The following MRC2 variants were observed in gnomAD, a reference collection of about 807,000 sequenced individuals.
The protein encoded by MRC2 is mannose receptor C-type 2, also known as C-type mannose receptor 2.
Under a neutral mutation model 206.2 loss-of-function variants are expected in MRC2, and 84 were observed. The ratio of observed to expected loss-of-function variants is 0.41; its 90% CI spans 0.34 to 0.49. The LOEUF (loss-of-function observed/expected upper bound fraction) is 0.49. MRC2 is among the 20% of genes least tolerant of loss of function. MRC2 has a pLI of 0.31. For synonymous variants in MRC2, 798 were observed against 800.0 expected, an observed-to-expected ratio of 1.00 and a Z score of 0.04; for missense variants, 1,676 against 2,001.5, an observed-to-expected ratio of 0.84 and a Z score of 3.10.
Position 62,666,410 on chromosome 17 carries a change from G to A in MRC2, c.695-45G>A. 6.2e-7 allele frequency: 1 copy of A among 1,612,496 alleles called. No individual in the cohort carries two copies. Among genetic ancestry groups the A allele is most frequent in the Non-Finnish European group, 8.5e-7 (1 of 1,179,684 alleles). On this transcript the variant is annotated intron_variant, in intron 3 of 29. Coordinates refer to ENST00000303375, the MANE Select transcript of MRC2 (RefSeq NM_006039.5). This position sits in a 1 kb window ranked among gnomAD's most constrained non-coding sequence, Gnocchi z 5.0. ...GGTGGGGGAGGGTCTGCACTCCCGA[G>A]GGACCCTGGAGGGGGCCTGAAGGAG... is the stretch of plus-strand genomic sequence containing the variant.
rs764034001 is a variant in MRC2, at chr17:62,675,095, C to A, written c.1570-695C>A. Among the ~76,000 whole-genome samples the A allele has an allele frequency of 2.6e-5, 4 of 151,784 alleles. No homozygotes were observed. The highest frequency in any genetic ancestry group is 5.9e-5 in the Non-Finnish European group (4 of 68,004). On this transcript the variant is annotated intron_variant, in intron 9 of 29. Transcript: ENST00000303375. The surrounding 1 kb of genome is among the most constrained non-coding windows in gnomAD (Gnocchi z 4.1). ...TGGCCCAGGGGCTGTGTCATGGCTG[C>A]GAAGAGGTGAAGGGAGGAGTAGAGA...
intron 20 of MRC2, among the ~76,000 whole-genome samples, chr17:62,685,466 T>C (rs1298551330): frequency 1.3e-5 from 2 of 152,212 alleles, no homozygotes; most frequent in Non-Finnish European, 2.9e-5. Context: ...ATTTTATATA[T>C]GTAATAGGTC....
chr17:62,653,893 C>T (rs1598975863), intron 1 of MRC2, among the ~76,000 whole-genome samples: 1 of 152,070 alleles, frequency 6.6e-6, no homozygotes, highest in East Asian at 1.9e-4. Context: ...ATGCCCCCCT[C>T]GTCCAGCCCA....
intron 1 of MRC2, among the ~76,000 whole-genome samples, chr17:62,631,256 G>A (rs971458442): frequency 1.3e-5 from 2 of 152,132 alleles, no homozygotes; most frequent in African/African-American, 4.8e-5. Flanking sequence ...GGCACCCACG[G>A]CTGCGCTGTG....
chr17:62,649,411 C>T (rs528406881), intron 1 of MRC2, among the ~76,000 whole-genome samples: 10 of 152,156 alleles, frequency 6.6e-5, no homozygotes, highest in East Asian at 3.9e-4. Flanking sequence ...GCCAACATGG[C>T]GAAACCCCGT....
In MRC2 at chr17:62,657,428, CA is replaced by C. The variant is rs373999399; in HGVS notation, c.119-7119del. On this transcript the variant is annotated intron_variant, in intron 1 of 29. Transcript: ENST00000303375. ...CCCTGCCTAGCTTCATTCATTTCTC[CA>C]TTTACTCAGTAAGAACATATTGAGC... Among the ~76,000 whole-genome samples the C allele has an allele frequency of 1.4e-4, 21 of 152,328 alleles. No individual in the cohort carries two copies. In the South Asian group the frequency reaches 2.9e-3, roughly 21 times the overall value.
intron 1 of MRC2, among the ~76,000 whole-genome samples, chr17:62,646,819 C>T (rs1244367067): frequency 6.6e-6 from 1 of 152,206 alleles, no homozygotes; most frequent in Non-Finnish European, 1.5e-5. Flanking sequence ...CATATATTCC[C>T]TATCTCTTTT....
intron 9 of MRC2, 129 bp downstream of exon 9, chr17:62,674,299 C>T (rs2088863152): frequency 3.1e-6 from 2 of 642,918 alleles, no homozygotes. Context: ...CTTCCCTGAG[C>T]TCTCCAAACT....
Position 62,692,636 on chromosome 17 carries a change from C to T in MRC2, c.*185C>T, listed in dbSNP as rs1206078671. The T allele has an allele frequency of 3.2e-6, 2 of 632,552 alleles. No individual in the cohort carries two copies. The highest frequency in any genetic ancestry group is 5.4e-6 in the Non-Finnish European group (2 of 368,426). The allele number at this position is 632,552 out of a possible 1,614,324, so 39.2% of individuals were successfully genotyped here. A position where few individuals can be genotyped will look rare whatever the true frequency, so the allele number is the denominator to read the frequency against. ...GTGCCACCCTCCCACAAGGGCTGGGCTGAGACCCAGCTGAGTGCAGCGTGG... is the reference window on the plus strand; with the variant it reads ...GTGCCACCCTCCCACAAGGGCTGGGTTGAGACCCAGCTGAGTGCAGCGTGG... On this transcript the variant is annotated 3_prime_UTR_variant, in exon 30 of 30. Coordinates refer to ENST00000303375, the MANE Select transcript of MRC2 (RefSeq NM_006039.5). The surrounding 1 kb of genome is among the most constrained non-coding windows in gnomAD (Gnocchi z 4.2).
chr17:62,627,986 T>C, intron 1 of MRC2, 66 bp downstream of exon 1: 2 of 1,084,706 alleles, frequency 1.8e-6, no homozygotes, highest in Non-Finnish European at 2.5e-6. Context: ...CGCGGGCCGC[T>C]CTCGACTTTT....
At chr17:62,650,827 T>C (rs957427831) in intron 1 of MRC2, among the ~76,000 whole-genome samples, 1 of 152,178 alleles carries the variant, frequency 6.6e-6, no homozygotes, top group Non-Finnish European at 1.5e-5. Flanking sequence ...GTGGTGCTGG[T>C]GTAATGATCA....
rs1010906925 is a variant in MRC2 at position 62,689,408 on chromosome 17, C to T, written c.3335-114C>T. Reference sequence around the variant, plus strand: ...CCAAGCCTTGGTCTGGGCCAAGCGCCGAGTCTGGTGGAGACCGGGTCTTTG... The same window carrying T: ...CCAAGCCTTGGTCTGGGCCAAGCGCTGAGTCTGGTGGAGACCGGGTCTTTG... On this transcript the variant is annotated intron_variant, in intron 23 of 29. Coordinates refer to ENST00000303375, the MANE Select transcript of MRC2 (RefSeq NM_006039.5). 10 of 691,918 alleles carry T rather than the reference C, an allele frequency of 1.4e-5. 1 individual carries two copies. The highest frequency in any genetic ancestry group is 9.7e-5 in the South Asian group (5 of 51,646). The allele number at this position is 691,918 out of a possible 1,614,324, so 42.9% of individuals were successfully genotyped here. A position where few individuals can be genotyped will look rare whatever the true frequency, so the allele number is the denominator to read the frequency against.
At position 62,692,671 on chromosome 17, in the gene MRC2, T is replaced by G; in HGVS notation, c.*220T>G. 1 of 537,762 alleles carries G rather than the reference T, an allele frequency of 1.9e-6. No homozygotes were observed. Among genetic ancestry groups the G allele is most frequent in the South Asian group, 2.3e-5 (1 of 43,140 alleles). 33.3% of individuals were successfully genotyped at this position (537,762 alleles called of 1,614,324 possible). A position where few individuals can be genotyped will look rare whatever the true frequency, so the allele number is the denominator to read the frequency against. Reference sequence around the variant, plus strand: ...GCTGAGTGCAGCGTGGCGTTTCCCTTTCTGGGGGGGCCTGAGGTCTTGTCA... The same window carrying G: ...GCTGAGTGCAGCGTGGCGTTTCCCTGTCTGGGGGGGCCTGAGGTCTTGTCA... On this transcript the variant is annotated 3_prime_UTR_variant, in exon 30 of 30. Transcript: ENST00000303375. The surrounding 1 kb of genome is among the most constrained non-coding windows in gnomAD (Gnocchi z 4.2).
rs1474590099 is a variant in MRC2 at position 62,652,787 on chromosome 17, G to A, written c.119-11761G>A. Among the ~76,000 whole-genome samples the A allele has an allele frequency of 6.8e-6, 1 of 147,506 alleles. No individual in the cohort carries two copies. The highest frequency in any genetic ancestry group is 1.5e-5 in the Non-Finnish European group (1 of 66,392). On this transcript the variant is annotated intron_variant, in intron 1 of 29. Transcript: ENST00000303375. The surrounding 1 kb of genome is among the most constrained non-coding windows in gnomAD (Gnocchi z 4.6). ...CCGCTTGGGGGGGTGCACGATGGCA[G>A]GGGGAGGGGTGCTCGGTGGAGGGAG... is the stretch of plus-strand genomic sequence containing the variant.
chr17:62,667,287 C>A lies in MRC2; in HGVS notation c.974-103C>A. 1 of 1,436,152 alleles carries A rather than the reference C, an allele frequency of 7.0e-7. No homozygotes were observed. Among genetic ancestry groups the A allele is most frequent in the Non-Finnish European group, 9.3e-7 (1 of 1,079,734 alleles). 89.0% of individuals were successfully genotyped at this position (1,436,152 alleles called of 1,614,324 possible). Reference sequence around the variant, plus strand: ...ACCAGGCTTCCCGAACTGGCTCAGGCTTCCGAGGGAGCAGAGGGAGGTAGG... The same window carrying A: ...ACCAGGCTTCCCGAACTGGCTCAGGATTCCGAGGGAGCAGAGGGAGGTAGG... On this transcript the variant is annotated intron_variant, in intron 5 of 29. Coordinates refer to ENST00000303375, the MANE Select transcript of MRC2 (RefSeq NM_006039.5). The surrounding 1 kb of genome is among the most constrained non-coding windows in gnomAD (Gnocchi z 4.1).
Position 62,685,825 on chromosome 17 carries a change from C to T in MRC2, c.2947-2464C>T, listed in dbSNP as rs545382035. Among the ~76,000 whole-genome samples the T allele has an allele frequency of 6.6e-5, 10 of 152,248 alleles. No individual in the cohort carries two copies. In the South Asian group the frequency reaches 1.7e-3, roughly 25 times the overall value. ...CCAAAGGGCAGGGATTACAGGTGTG[C>T]GCCACTGTGCCTGGCCTGTGGAAAG... On this transcript the variant is annotated intron_variant, in intron 20 of 29. Coordinates refer to ENST00000303375, the MANE Select transcript of MRC2 (RefSeq NM_006039.5).
At position 62,692,412 on chromosome 17, in the gene MRC2, C is replaced by A; in HGVS notation, c.4401C>A (p.Ile1467=). The part of the protein sequence containing the change: ...SSPTEATEKN[I]LVSDMEMNEQ... ...CCACCGAGGCCACTGAGAAGAACAT[C>A]CTGGTGTCAGACATGGAAATGAATG... is the stretch of plus-strand genomic sequence containing the variant. The change falls in exon 30 of 30, where the codon ATC becomes ATA. Residue 1467 remains isoleucine, a synonymous_variant. Coordinates refer to ENST00000303375, the MANE Select transcript of MRC2 (RefSeq NM_006039.5). The surrounding 1 kb of genome is among the most constrained non-coding windows in gnomAD (Gnocchi z 4.2). The A allele has an allele frequency of 6.4e-7, 1 of 1,572,452 alleles. No homozygotes were observed. The highest frequency in any genetic ancestry group is 8.6e-7 in the Non-Finnish European group (1 of 1,158,600).
intron 20 of MRC2, among the ~76,000 whole-genome samples, chr17:62,685,535 G>GTTTGTT (rs1421413611): frequency 6.6e-6 from 1 of 152,056 alleles, no homozygotes; most frequent in Admixed American, 6.6e-5. Flanking sequence ...GGAAAGTTCT[G>GTTTGTT]TTTGTTTTTG....
chr17:62,688,685 C>T (rs2147492807), intron 22 of MRC2, 21 bp downstream of exon 22: 1 of 1,611,438 alleles, frequency 6.2e-7, no homozygotes, highest in Non-Finnish European at 8.5e-7. Flanking sequence ...CCTCCCTGTT[C>T]CCCTCCGCAC....
Sources: allele counts gnomAD v4.1 joint callset (sites outside exome capture counted in the v4.1 genomes callset), GRCh38; gene constraint gnomAD v4.1.1; non-coding constraint Gnocchi (gnomAD v3.1); transcripts MANE v1.5; gene names NCBI Gene and HGNC (gene_info 2026-07-23, HGNC 2026-07-21).